GNAO1: variants seen among roughly 807,000 people sequenced by gnomAD.
GNAO1 encodes the protein guanine nucleotide-binding protein G(o) subunit alpha.
For synonymous variants in GNAO1, 164 were observed against 180.7 expected (o/e 0.91, Z 0.74); for missense variants, 166 against 478.7 (o/e 0.35, Z 6.10).
chr16:56,318,768 C>CTTATTTTG (rs1354353823), intron 3 of GNAO1, among the ~76,000 whole-genome samples: 3 of 152,192 alleles, frequency 2.0e-5, no homozygotes, highest in African/African-American at 7.2e-5. Flanking sequence ...ACAAAGCAGG[C>CTTATTTTG]TTATTTTGTG....
intron 2 of GNAO1, among the ~76,000 whole-genome samples, chr16:56,254,807 C>G (rs1002160451): frequency 6.6e-6 from 1 of 152,078 alleles, no homozygotes; most frequent in East Asian, 1.9e-4. Context: ...CTCTATGTTC[C>G]CATAGAGAAC....
chr16:56,243,695 A>G (rs2036715605), intron 2 of GNAO1, among the ~76,000 whole-genome samples: 1 of 151,560 alleles, frequency 6.6e-6, no homozygotes, highest in East Asian at 1.9e-4. Flanking sequence ...TTTTTTTTTT[A>G]GCAGATATAT....
chr16:56,194,635 C>T (rs2036214985), intron 2 of GNAO1: 1 of 165,144 alleles, frequency 6.1e-6, no homozygotes, highest in African/African-American at 2.5e-5. Flanking sequence ...CGAGCCGCTT[C>T]GGAGGGGGTC....
chr16:56,250,226 G>A (rs1403739697), intron 2 of GNAO1, among the ~76,000 whole-genome samples: 1 of 152,166 alleles, frequency 6.6e-6, no homozygotes, highest in Non-Finnish European at 1.5e-5. Context: ...TGGAATGAAG[G>A]CCAGAAAGAA....
intron 6 of GNAO1, chr16:56,347,370 G>A: frequency 1.0e-6 from 1 of 985,562 alleles, no homozygotes; most frequent in African/African-American, 1.7e-5. Context: ...TAGAGCGCAG[G>A]ATCCCAGCAG....
intron 2 of GNAO1, among the ~76,000 whole-genome samples, chr16:56,225,294 A>G (rs1230580030): frequency 6.6e-6 from 1 of 152,234 alleles, no homozygotes; most frequent in Non-Finnish European, 1.5e-5. Context: ...CAGGTAACTG[A>G]GTAGAGGAAT....
chr16:56,279,395 C>T (rs1481115259), intron 3 of GNAO1, among the ~76,000 whole-genome samples: 1 of 152,148 alleles, frequency 6.6e-6, no homozygotes, highest in East Asian at 1.9e-4. Flanking sequence ...CAGCAGGGAC[C>T]TCCTTACATC....
At position 56,356,500 on chromosome 16, in the gene GNAO1, G is replaced by A. The variant is rs978587340; in HGVS notation, c.*426G>A. On this transcript the variant is annotated 3_prime_UTR_variant, in exon 9 of 9. Transcript: ENST00000262493. ...GGGCTCCGGTGCGGTGCACTGGTCC[G>A]AGGAGTGTGCTCAGGCCGGGCTTTC... is the stretch of plus-strand genomic sequence containing the variant. 1 of 152,384 alleles carries A rather than the reference G, an allele frequency of 6.6e-6. No homozygotes were observed. The highest frequency in any genetic ancestry group is 1.5e-5 in the Non-Finnish European group (1 of 68,068). The allele number at this position is 152,384 out of a possible 1,614,324, so 9.4% of individuals were successfully genotyped here. A position where few individuals can be genotyped will look rare whatever the true frequency, so the allele number is the denominator to read the frequency against.
intron 2 of GNAO1, among the ~76,000 whole-genome samples, chr16:56,202,536 G>A (rs1478476): frequency 0.083 from 12,678 of 152,246 alleles, 590 homozygotes; most frequent in African/African-American, 0.11. Context: ...AAAGTTGAAG[G>A]TATAGGAAGG....
At chr16:56,241,007 G>T (rs940378637) in intron 2 of GNAO1, among the ~76,000 whole-genome samples, 1 of 152,162 alleles carries the variant, frequency 6.6e-6, no homozygotes, top group Non-Finnish European at 1.5e-5. Context: ...GCACCGTCCA[G>T]CTCTCTCTAG....
At chr16:56,331,038 C>T (rs1283175773) in intron 4 of GNAO1, among the ~76,000 whole-genome samples, 1 of 152,220 alleles carries the variant, frequency 6.6e-6, no homozygotes, top group Non-Finnish European at 1.5e-5. Flanking sequence ...AAGTCTTGGG[C>T]CCAGTATAGA....
intron 2 of GNAO1, among the ~76,000 whole-genome samples, chr16:56,237,508 A>T (rs1420426790): frequency 6.6e-6 from 1 of 152,192 alleles, no homozygotes; most frequent in African/African-American, 2.4e-5. Context: ...CACTGCTGCA[A>T]CCAGAAGAAC....
At chr16:56,207,329 A>C (rs1162596087) in intron 2 of GNAO1, among the ~76,000 whole-genome samples, 3 of 152,262 alleles carry the variant, frequency 2.0e-5, no homozygotes, top group African/African-American at 7.2e-5. Flanking sequence ...CACACTGCAG[A>C]TACACTGTGA....
intron 6 of GNAO1, chr16:56,347,353 G>T (rs532466078): frequency 1.0e-6 from 1 of 985,532 alleles, no homozygotes; most frequent in South Asian, 4.7e-5. Flanking sequence ...CTGTCAGGCC[G>T]CAAGCCTAGA....
In GNAO1 at chr16:56,326,334, T is replaced by A. The variant is rs2037631702; in HGVS notation, c.304-2297T>A. Among the ~76,000 whole-genome samples the A allele has an allele frequency of 6.6e-6, 1 of 152,182 alleles. No individual in the cohort carries two copies. The highest frequency in any genetic ancestry group is 1.5e-5 in the Non-Finnish European group (1 of 68,034). ...GGTTAGGAGAGTGGTCTGAGCAAAG[T>A]CCTGTCAGCCACAGAGACATGTGAA... On this transcript the variant is annotated intron_variant, in intron 3 of 8. Transcript: ENST00000262493. The surrounding 1 kb of genome is among the most constrained non-coding windows in gnomAD (Gnocchi z 4.8).
intron 2 of GNAO1, among the ~76,000 whole-genome samples, chr16:56,243,967 C>T (rs2036718543): frequency 6.6e-6 from 1 of 152,140 alleles, no homozygotes; most frequent in Non-Finnish European, 1.5e-5. Context: ...TTGCCCAGGG[C>T]ACTATTAATA....
intron 3 of GNAO1, among the ~76,000 whole-genome samples, chr16:56,285,435 G>A (rs1404935209): frequency 2.6e-5 from 4 of 152,090 alleles, no homozygotes; most frequent in Non-Finnish European, 4.4e-5. Context: ...CAGCTACACA[G>A]GGGGAACTGA....
intron 3 of GNAO1, among the ~76,000 whole-genome samples, chr16:56,312,809 T>C (rs1402126472): frequency 6.6e-6 from 1 of 152,188 alleles, no homozygotes; most frequent in Non-Finnish European, 1.5e-5. Context: ...TGAGATGAGA[T>C]GGCTCAGTGG....
At chr16:56,223,133 C>T (rs1370422703) in intron 2 of GNAO1, among the ~76,000 whole-genome samples, 3 of 152,212 alleles carry the variant, frequency 2.0e-5, no homozygotes, top group Admixed American at 6.5e-5. Context: ...AGCCTAAAAT[C>T]AAGGTGTCAG....
Sources: allele counts gnomAD v4.1 joint callset (sites outside exome capture counted in the v4.1 genomes callset), GRCh38; gene constraint gnomAD v4.1.1; non-coding constraint Gnocchi (gnomAD v3.1); transcripts MANE v1.5; gene names NCBI Gene and HGNC (gene_info 2026-07-23, HGNC 2026-07-21).